Variants in AP1B1 observed in about 807,000 individuals in gnomAD.
AP1B1 encodes the protein AP-1 complex subunit beta-1.
In AP1B1, 36 loss-of-function variants were observed where a neutral mutation model predicts 104.3. The ratio of observed to expected loss-of-function variants is 0.35; its 90% CI spans 0.26 to 0.46. AP1B1 has a LOEUF of 0.46. AP1B1 is among the 20% of genes least tolerant of loss of function. AP1B1 has a pLI of 1.00. For synonymous variants in AP1B1, 504 were observed against 517.5 expected (o/e 0.97, Z 0.35); for missense variants, 901 against 1,247.9 (o/e 0.72, Z 4.19).
rs1271811197 is a variant in AP1B1, at chr22:29,331,994, G to A, written c.2310-78C>T. The A allele has an allele frequency of 9.8e-6, 14 of 1,428,316 alleles. No individual in the cohort carries two copies. In the Admixed American group the frequency reaches 2.9e-4, roughly 30 times the overall value. The allele number at this position is 1,428,316 out of a possible 1,614,324, so 88.5% of individuals were successfully genotyped here. On this transcript the variant is annotated intron_variant, in intron 17 of 22. Coordinates refer to ENST00000357586, the MANE Select transcript of AP1B1 (RefSeq NM_001127.4). ...GGACAGGTGAGCTCCTCCGACTCGGGAGCTGGGGCTGTGGTTGGCAGGGAG... is the reference window on the plus strand; with the variant it reads ...GGACAGGTGAGCTCCTCCGACTCGGAAGCTGGGGCTGTGGTTGGCAGGGAG...
At chr22:29,359,113 C>A (rs1031709242) in intron 4 of AP1B1, 142 bp from the exon 5 acceptor site, 1 of 823,554 alleles carries the variant, frequency 1.2e-6, no homozygotes, top group Non-Finnish European at 1.9e-6. Flanking sequence ...CTACAGCCAA[C>A]AACAGCAAAA....
At chr22:29,365,553 C>T (rs1362033199) in intron 2 of AP1B1, among the ~76,000 whole-genome samples, 2 of 152,196 alleles carry the variant, frequency 1.3e-5, no homozygotes, top group African/African-American at 2.4e-5. Context: ...CTACGTTCAC[C>T]CTGTGGCTCA....
At chr22:29,352,444 GA>G in intron 7 of AP1B1, among the ~76,000 whole-genome samples, 1 of 152,346 alleles carries the variant, frequency 6.6e-6, no homozygotes, top group Non-Finnish European at 1.5e-5. Flanking sequence ...TTCCTGGGCA[GA>G]AACATTACAT....
At chr22:29,345,890 G>C (rs1039701662) in intron 11 of AP1B1, among the ~76,000 whole-genome samples, 1 of 151,952 alleles carries the variant, frequency 6.6e-6, no homozygotes, top group African/African-American at 2.4e-5. Flanking sequence ...TCATTATGTT[G>C]GTCAGGCTGG....
chr22:29,328,978 G>A lies in AP1B1; in HGVS notation c.2776-83C>T, dbSNP rs1038582516. 7.1e-6 allele frequency: 11 copies of A among 1,547,370 alleles called. No individual in the cohort carries two copies. Among genetic ancestry groups the A allele is most frequent in the Non-Finnish European group, 9.6e-6 (11 of 1,149,230 alleles). ...AAGGAAAGGGGTGGGGAAGAGAGCA[G>A]GAACCAATGGGACAGCGTGGAGTGC... On this transcript the variant is annotated intron_variant, in intron 22 of 22. Coordinates refer to ENST00000357586, the MANE Select transcript of AP1B1 (RefSeq NM_001127.4). This position sits in a 1 kb window ranked among gnomAD's most constrained non-coding sequence, Gnocchi z 4.1.
intron 11 of AP1B1, among the ~76,000 whole-genome samples, chr22:29,344,241 C>T (rs1414873121): frequency 1.3e-5 from 2 of 152,150 alleles, no homozygotes; most frequent in African/African-American, 4.8e-5. Flanking sequence ...GTCCAGTCAG[C>T]CGGATGCCTG....
chr22:29,377,787 G>GA (rs2062369547), intron 1 of AP1B1, among the ~76,000 whole-genome samples: 1 of 151,388 alleles, frequency 6.6e-6, no homozygotes, highest in Admixed American at 6.6e-5. Flanking sequence ...CTCCAGCCTG[G>GA]GTGACAGTGC....
Position 29,328,992 on chromosome 22 carries a change from A to G in AP1B1, c.2776-97T>C, listed in dbSNP as rs193000467. On this transcript the variant is annotated intron_variant, in intron 22 of 22. Transcript: ENST00000357586. The surrounding 1 kb of genome is among the most constrained non-coding windows in gnomAD (Gnocchi z 4.1). The stretch of plus-strand genomic sequence containing the variant: ...GGAAGAGAGCAGGAACCAATGGGAC[A>G]GCGTGGAGTGCACACAGCCTGGCGG... The G allele has an allele frequency of 6.0e-4, 915 of 1,530,444 alleles. 1 individual carries two copies. In the African/African-American group the frequency reaches 0.011, roughly 19 times the overall value. The allele number at this position is 1,530,444 out of a possible 1,614,324, so 94.8% of individuals were successfully genotyped here. A position where few individuals can be genotyped will look rare whatever the true frequency, so the allele number is the denominator to read the frequency against.
At chr22:29,355,256 T>C (rs866477503) in intron 6 of AP1B1, among the ~76,000 whole-genome samples, 3 of 146,984 alleles carry the variant, frequency 2.0e-5, no homozygotes, top group Non-Finnish European at 3.0e-5. Flanking sequence ...AAAAATAGCA[T>C]GTTCAGCCTG....
intron 12 of AP1B1, 129 bp downstream of exon 12, chr22:29,342,156 A>G (rs1602709786): frequency 2.7e-6 from 2 of 751,804 alleles, no homozygotes. Context: ...CTGGGGCTGG[A>G]AGCCAGTCCC....
At chr22:29,348,847 A>T (rs987745429) in intron 11 of AP1B1, among the ~76,000 whole-genome samples, 1 of 152,236 alleles carries the variant, frequency 6.6e-6, no homozygotes, top group Non-Finnish European at 1.5e-5. Flanking sequence ...AAATCAAAAA[A>T]GTGATGACTT....
intron 1 of AP1B1, among the ~76,000 whole-genome samples, chr22:29,383,970 G>A (rs6006116): frequency 6.6e-6 from 1 of 152,122 alleles, no homozygotes. Flanking sequence ...TAGAACCATA[G>A]CCAAGTCCTT....
intron 15 of AP1B1, 21 bp from the exon 16 acceptor site, chr22:29,339,154 T>G (rs2061678328): frequency 1.2e-6 from 2 of 1,613,414 alleles, no homozygotes; most frequent in Non-Finnish European, 1.7e-6. Flanking sequence ...AGGGAAAGAG[T>G]CAGAGGTGGG....
chr22:29,383,432 C>T (rs918713904), intron 1 of AP1B1, among the ~76,000 whole-genome samples: 3 of 152,038 alleles, frequency 2.0e-5, no homozygotes, highest in South Asian at 2.1e-4. Flanking sequence ...AGACCTGGGC[C>T]GGGTGCGGTG....
At chr22:29,350,526 G>C (rs186812456) in intron 9 of AP1B1, among the ~76,000 whole-genome samples, 1 of 152,302 alleles carries the variant, frequency 6.6e-6, no homozygotes, top group African/African-American at 2.4e-5. Flanking sequence ...CAGAACCTCT[G>C]ACTGCTTCTG....
intron 6 of AP1B1, 117 bp from the exon 7 acceptor site, chr22:29,354,988 C>T: frequency 1.1e-6 from 1 of 904,478 alleles, no homozygotes; most frequent in South Asian, 1.7e-5. Flanking sequence ...GTAATCCCAG[C>T]ACTTTGGGAG....
At chr22:29,344,594 A>C (rs1418375550) in intron 11 of AP1B1, among the ~76,000 whole-genome samples, 2 of 131,946 alleles carry the variant, frequency 1.5e-5, no homozygotes, top group Non-Finnish European at 3.0e-5. Context: ...GGATGATCTC[A>C]TCTCACTGCA....
chr22:29,372,437 A>G lies in AP1B1; in HGVS notation c.-27-5167T>C, dbSNP rs533173604. Among the ~76,000 whole-genome samples, 6 of 151,758 alleles carry G rather than the reference A, an allele frequency of 4.0e-5. No individual in the cohort carries two copies. The South Asian group carries it at 8.3e-4, about 21-fold the overall frequency. The stretch of plus-strand genomic sequence containing the variant: ...GAAACTGGGTCTCAAAAAAAAAAAA[A>G]AAAAGAAAAAAGAAAAGAAAAGGAA... On this transcript the variant is annotated intron_variant, in intron 1 of 22. Coordinates refer to ENST00000357586, the MANE Select transcript of AP1B1 (RefSeq NM_001127.4).
chr22:29,340,506 G>T, intron 14 of AP1B1, 150 bp downstream of exon 14: 1 of 851,172 alleles, frequency 1.2e-6, no homozygotes. Flanking sequence ...TCATAAGTAG[G>T]GAGCTACACA....
Sources: allele counts gnomAD v4.1 joint callset (sites outside exome capture counted in the v4.1 genomes callset), GRCh38; gene constraint gnomAD v4.1.1; non-coding constraint Gnocchi (gnomAD v3.1); transcripts MANE v1.5; gene names NCBI Gene and HGNC (gene_info 2026-07-23, HGNC 2026-07-21).